The following PREPL variants were observed in gnomAD, a reference collection of about 807,000 sequenced individuals.
PREPL encodes prolyl endopeptidase like.
A neutral mutation model predicts 70.6 loss-of-function variants in PREPL; 77 were observed. The observed-to-expected ratio is 1.09, with a 90% CI of 0.91 to 1.32. The LOEUF (loss-of-function observed/expected upper bound fraction) is 1.32, where lower values mean the gene tolerates loss of function less well. Ranked by LOEUF, PREPL falls within the 40% of genes most tolerant of loss-of-function variation. The pLI, the probability that PREPL is intolerant of heterozygous loss-of-function variation, is 0.00. For synonymous variants in PREPL, 315 were observed against 264.8 expected (o/e 1.19, Z -1.84); for missense variants, 1,002 against 778.2 (o/e 1.29, Z -3.42).
At position 44,329,124 on chromosome 2, in the gene PREPL, G is replaced by T; in HGVS notation, c.1087-12C>A. On this transcript the variant is annotated splice_polypyrimidine_tract_variant and intron_variant, in intron 8 of 13. Transcript: ENST00000409411. ...ACTAATTTTCCATCCTAGAAATGAAGAATTACTATGTATGTAAAGAAGAGT... is the reference window on the plus strand; with the variant it reads ...ACTAATTTTCCATCCTAGAAATGAATAATTACTATGTATGTAAAGAAGAGT... 6.4e-7 allele frequency: 1 copy of T among 1,567,522 alleles called. No homozygotes were observed. The highest frequency in any genetic ancestry group is 1.4e-5 in the African/African-American group (1 of 73,688).
chr2:44,355,490 A>G (rs1676929092), intron 1 of PREPL, among the ~76,000 whole-genome samples: 1 of 152,170 alleles, frequency 6.6e-6, no homozygotes, highest in Non-Finnish European at 1.5e-5. Flanking sequence ...TGGAGGTTGC[A>G]GTGAGCAGAG....
At chr2:44,323,970 T>A (rs1673238976) in intron 10 of PREPL, among the ~76,000 whole-genome samples, 1 of 152,218 alleles carries the variant, frequency 6.6e-6, no homozygotes, top group South Asian at 2.1e-4. Context: ...GAGATCTGCA[T>A]ACCTATGTTC....
Position 44,320,248 on chromosome 2 carries a change from G to C in PREPL, c.*1108C>G. 2.5e-6 allele frequency: 4 copies of C among 1,614,080 alleles called. No individual in the cohort carries two copies. The highest frequency in any genetic ancestry group is 3.4e-6 in the Non-Finnish European group (4 of 1,179,958). ...GCTTTGAAGTTATATCAAGATTTAA[G>C]TCTACTTCATGCCAATGAGCTACTC... On this transcript the variant is annotated 3_prime_UTR_variant, in exon 14 of 14. Coordinates refer to ENST00000409411, the MANE Select transcript of PREPL (RefSeq NM_001171613.2).
intron 1 of PREPL, among the ~76,000 whole-genome samples, chr2:44,354,782 G>A (rs1254698868): frequency 6.6e-6 from 1 of 152,150 alleles, no homozygotes; most frequent in African/African-American, 2.4e-5. Context: ...CTGCCATGTT[G>A]GTCAGGCTGG....
At chr2:44,333,610 G>T (rs1674340443) in intron 7 of PREPL, among the ~76,000 whole-genome samples, 1 of 137,384 alleles carries the variant, frequency 7.3e-6, no homozygotes, top group Middle Eastern at 3.6e-3. Context: ...CGTTCTCTGA[G>T]CAAATCTCTT....
At position 44,332,454 on chromosome 2, in the gene PREPL, C is replaced by T; in HGVS notation, c.1086+5G>A. 1 of 1,608,208 alleles carries T rather than the reference C, an allele frequency of 6.2e-7. No individual in the cohort carries two copies. The highest frequency in any genetic ancestry group is 8.5e-7 in the Non-Finnish European group (1 of 1,174,804). On this transcript the variant is annotated splice_donor_5th_base_variant and intron_variant, in intron 8 of 13. Coordinates refer to ENST00000409411, the MANE Select transcript of PREPL (RefSeq NM_001171613.2). Reference sequence around the variant, plus strand: ...GGAGCTGAAAGTGAAGATTATAAGACCTACCTTGCTTTTGGCTTCTAGACG... The same window carrying T: ...GGAGCTGAAAGTGAAGATTATAAGATCTACCTTGCTTTTGGCTTCTAGACG...
At position 44,359,588 on chromosome 2, in the gene PREPL, A is replaced by T. The variant is rs748560044; in HGVS notation, c.-49+1792T>A. The T allele has an allele frequency of 3.7e-6, 6 of 1,612,340 alleles. No individual in the cohort carries two copies. The South Asian group carries it at 5.5e-5, about 15-fold the overall frequency. Reference sequence around the variant, plus strand: ...ACACTTGGTTAGGTGATATTTTTTCAATTTTATTCTATTGTAACAATGATC... The same window carrying T: ...ACACTTGGTTAGGTGATATTTTTTCTATTTTATTCTATTGTAACAATGATC... On this transcript the variant is annotated intron_variant, in intron 1 of 13. Transcript: ENST00000409411.
intron 1 of PREPL, among the ~76,000 whole-genome samples, chr2:44,349,248 C>A (rs1337943879): frequency 6.6e-6 from 1 of 152,084 alleles, no homozygotes; most frequent in Non-Finnish European, 1.5e-5. Context: ...GACTAATTAG[C>A]CATTAGTAAA....
chr2:44,359,814 G>C (rs1170196104), intron 1 of PREPL: 10 of 809,282 alleles, frequency 1.2e-5, no homozygotes, highest in Admixed American at 4.5e-5. Context: ...GAGTAACTAA[G>C]ATCAGCAGTT....
At position 44,319,880 on chromosome 2, in the gene PREPL, A is replaced by C. The variant is rs1405419431; in HGVS notation, c.*1476T>G. Reference sequence around the variant, plus strand: ...AGCACAGAATGACTATGCAAGTTAAATATTCATCTTAGACATGGACATTTG... The same window carrying C: ...AGCACAGAATGACTATGCAAGTTAACTATTCATCTTAGACATGGACATTTG... On this transcript the variant is annotated 3_prime_UTR_variant, in exon 14 of 14. Coordinates refer to ENST00000409411, the MANE Select transcript of PREPL (RefSeq NM_001171613.2). 1 of 292,342 alleles carries C rather than the reference A, an allele frequency of 3.4e-6. No homozygotes were observed. The highest frequency in any genetic ancestry group is 2.2e-5 in the African/African-American group (1 of 45,268). The allele number at this position is 292,342 out of a possible 1,614,324, so 18.1% of individuals were successfully genotyped here. A position where few individuals can be genotyped will look rare whatever the true frequency, so the allele number is the denominator to read the frequency against.
intron 9 of PREPL, among the ~76,000 whole-genome samples, chr2:44,327,756 G>A (rs377558216): frequency 2.6e-5 from 4 of 151,870 alleles, no homozygotes; most frequent in South Asian, 2.1e-4. Context: ...CCAACTACTC[G>A]GGAGGCTGAG....
chr2:44,354,724 G>A (rs577165122), intron 1 of PREPL, among the ~76,000 whole-genome samples: 23 of 152,198 alleles, frequency 1.5e-4, no homozygotes, highest in South Asian at 6.2e-4. Flanking sequence ...ACAGGCATGC[G>A]CCACCAGGCC....
chr2:44,357,376 C>T (rs1266060875), intron 1 of PREPL, among the ~76,000 whole-genome samples: 1 of 152,222 alleles, frequency 6.6e-6, no homozygotes, highest in Admixed American at 6.5e-5. Flanking sequence ...GTGCATTCTT[C>T]TCTACAGGTG....
At chr2:44,351,512 A>C (rs1676435529) in intron 1 of PREPL, among the ~76,000 whole-genome samples, 2 of 84,632 alleles carry the variant, frequency 2.4e-5, no homozygotes, top group Middle Eastern at 6.7e-3. Context: ...CCCTCGCCCT[A>C]TTAAAAAAAA....
At chr2:44,334,367 T>G (rs935511597) in intron 7 of PREPL, among the ~76,000 whole-genome samples, 2 of 152,058 alleles carry the variant, frequency 1.3e-5, no homozygotes, top group African/African-American at 4.8e-5. Context: ...ATATGCAGAC[T>G]CCTCCTCTAA....
chr2:44,346,229 A>G (rs373298877), intron 2 of PREPL, 39 bp downstream of exon 2: 1 of 1,555,862 alleles, frequency 6.4e-7, no homozygotes, highest in Non-Finnish European at 8.8e-7. Flanking sequence ...TTGATTGGTA[A>G]TATCAAAAAT....
chr2:44,342,453 T>C lies in PREPL; in HGVS notation c.449A>G (p.Lys150Arg), dbSNP rs781719455. The C allele has an allele frequency of 9.9e-6, 16 of 1,613,314 alleles. 1 individual carries two copies. In the South Asian group the frequency reaches 1.4e-4, roughly 14 times the overall value. The change falls in exon 5 of 14, where the codon AAA becomes AGA. Residue 150 changes from lysine to arginine, a missense_variant. By Grantham distance (26) the Lys-to-Arg change is conservative. Transcript: ENST00000409411. ...DVYRATFGDN[K>R]RNERFYTEKD... is the part of the protein sequence containing the mutation. ...TTCTGTGTAAAAGCGTTCATTACGT[T>C]TGTTATCACCAAAAGTGGCTCGATA...
chr2:44,328,670 T>G (rs907939532), intron 9 of PREPL, among the ~76,000 whole-genome samples: 1 of 152,096 alleles, frequency 6.6e-6, no homozygotes, highest in African/African-American at 2.4e-5. Context: ...AAACCTGAAT[T>G]CAGGAGAACT....
chr2:44,334,674 T>C (rs1030807680), intron 7 of PREPL, among the ~76,000 whole-genome samples: 3 of 152,212 alleles, frequency 2.0e-5, no homozygotes, highest in African/African-American at 4.8e-5. Context: ...GCCTCCAGAA[T>C]AGCTCGGACT....
Sources: allele counts gnomAD v4.1 joint callset (sites outside exome capture counted in the v4.1 genomes callset), GRCh38; gene constraint gnomAD v4.1.1; transcripts MANE v1.5; gene names NCBI Gene and HGNC (gene_info 2026-07-23, HGNC 2026-07-21).